PTK2: variants seen among roughly 807,000 people sequenced by gnomAD.
PTK2 encodes focal adhesion kinase 1.
PTK2 carries 45 observed loss-of-function variants against 150.1 expected under a neutral mutation model. The observed-to-expected ratio is 0.30, with a 90% CI of 0.24 to 0.38. The LOEUF (loss-of-function observed/expected upper bound fraction) is 0.38. Ranked by LOEUF, PTK2 falls within the 10% of genes least tolerant of loss-of-function variation. The pLI is 1.00. For synonymous variants in PTK2, 432 were observed against 449.2 expected (o/e 0.96, Z 0.48); for missense variants, 919 against 1,307.3 (o/e 0.70, Z 4.58).
chr8:141,000,087 T>TCACACACA (rs71310820), intron 1 of PTK2, among the ~76,000 whole-genome samples: 2,475 of 81,598 alleles, frequency 0.03, 44 homozygotes, highest in East Asian at 0.07. Flanking sequence ...TGAAACCAAT[T>TCACACACA]CACACACACA....
intron 16 of PTK2, among the ~76,000 whole-genome samples, chr8:140,754,993 G>A (rs1480697335): frequency 1.3e-5 from 2 of 152,136 alleles, no homozygotes; most frequent in Non-Finnish European, 2.9e-5. Context: ...GAAAAGAGAA[G>A]TTTTTCATTG....
chr8:140,837,639 G>T (rs923959614), intron 7 of PTK2, among the ~76,000 whole-genome samples: 2 of 152,152 alleles, frequency 1.3e-5, no homozygotes, highest in African/African-American at 4.8e-5. Context: ...TGAGGTAGGA[G>T]AATCACTTGC....
chr8:140,867,720 C>T (rs1200624915), intron 4 of PTK2, among the ~76,000 whole-genome samples: 2 of 152,160 alleles, frequency 1.3e-5, no homozygotes, highest in African/African-American at 2.4e-5. Context: ...TGTAACAAAT[C>T]TGCCCATGTA....
chr8:140,908,274 A>AG (rs776435769), intron 2 of PTK2, among the ~76,000 whole-genome samples: 3 of 152,228 alleles, frequency 2.0e-5, no homozygotes, highest in Non-Finnish European at 4.4e-5. Flanking sequence ...AATTGAGGTA[A>AG]GGTAGCTACA....
At chr8:140,878,627 A>G (rs1568032986) in intron 4 of PTK2, among the ~76,000 whole-genome samples, 1 of 151,854 alleles carries the variant, frequency 6.6e-6, no homozygotes, top group Non-Finnish European at 1.5e-5. Flanking sequence ...TCACCTTAAC[A>G]TGTTTGTCTT....
At position 140,821,273 on chromosome 8, in the gene PTK2, T is replaced by C. The variant is rs2100108384; in HGVS notation, c.649-2253A>G. 2.0e-5 allele frequency: 3 copies of C among 151,972 alleles called. 1 individual carries two copies. The highest frequency in any genetic ancestry group is 4.2e-4 in the South Asian group (2 of 4,800). 9.4% of individuals were successfully genotyped at this position (151,972 alleles called of 1,614,324 possible). On this transcript the variant is annotated intron_variant, in intron 8 of 31. Coordinates refer to ENST00000522684, the Ensembl canonical transcript of PTK2. ...TCGCTCTGCTCTTGCACACAGAGGG[T>C]TGGGGGAGTGTGTAGGAGTGAAAGC...
At chr8:140,760,692 C>G (rs1183579813) in intron 16 of PTK2, among the ~76,000 whole-genome samples, 1 of 152,168 alleles carries the variant, frequency 6.6e-6, no homozygotes, top group Admixed American at 6.5e-5. Context: ...CTGAAAAGCA[C>G]TGAATTGTAC....
intron 1 of PTK2, among the ~76,000 whole-genome samples, chr8:140,987,903 T>C (rs1171812149): frequency 1.3e-5 from 2 of 151,962 alleles, no homozygotes; most frequent in Non-Finnish European, 2.9e-5. Flanking sequence ...TAATTAGCCA[T>C]GTGTGATGGT....
chr8:140,916,598 C>G (rs1365595727), intron 2 of PTK2, among the ~76,000 whole-genome samples: 1 of 152,212 alleles, frequency 6.6e-6, no homozygotes, highest in African/African-American at 2.4e-5. Context: ...TTCTATCACA[C>G]TAACCAATTT....
At chr8:140,687,801 CA>C (rs2100020850) in intron 26 of PTK2, among the ~76,000 whole-genome samples, 1 of 152,174 alleles carries the variant, frequency 6.6e-6, no homozygotes, top group Non-Finnish European at 1.5e-5. Context: ...ACACGGCCAC[CA>C]TTAAGGTAAG....
At chr8:140,793,209 CTT>C in intron 13 of PTK2, 143 bp downstream of exon 13, 1 of 924,536 alleles carries the variant, frequency 1.1e-6, no homozygotes, top group Non-Finnish European at 1.6e-6. Flanking sequence ...TTAAAACTGA[CTT>C]GATTTCTTTC....
chr8:140,917,870 G>A (rs2100165922), intron 2 of PTK2, among the ~76,000 whole-genome samples: 1 of 152,204 alleles, frequency 6.6e-6, no homozygotes, highest in South Asian at 2.1e-4. Context: ...GGGGACACTA[G>A]AGAAAACTTG....
intron 13 of PTK2, among the ~76,000 whole-genome samples, chr8:140,791,459 T>TAGA (rs1372387651): frequency 1.3e-5 from 2 of 152,218 alleles, no homozygotes; most frequent in Non-Finnish European, 2.9e-5. Context: ...GCTGATGCTG[T>TAGA]AGAGTGCACT....
chr8:140,870,321 T>A (rs180744828), intron 4 of PTK2, among the ~76,000 whole-genome samples: 3 of 152,200 alleles, frequency 2.0e-5, no homozygotes, highest in Non-Finnish European at 4.4e-5. Flanking sequence ...AAAACACTGA[T>A]TGATAATAAA....
chr8:140,732,864 C>T (rs1405242513), intron 22 of PTK2, among the ~76,000 whole-genome samples: 1 of 152,010 alleles, frequency 6.6e-6, no homozygotes, highest in Non-Finnish European at 1.5e-5. Flanking sequence ...GTGAAAGAAG[C>T]CGAGAAAGAT....
At chr8:140,707,649 C>A (rs2100034579) in intron 23 of PTK2, among the ~76,000 whole-genome samples, 1 of 152,194 alleles carries the variant, frequency 6.6e-6, no homozygotes, top group Non-Finnish European at 1.5e-5. Flanking sequence ...AAGTGATCTG[C>A]CTGCCTCAGC....
chr8:140,677,604 C>A (rs1249343772), intron 27 of PTK2, among the ~76,000 whole-genome samples: 2 of 152,120 alleles, frequency 1.3e-5, no homozygotes, highest in African/African-American at 4.8e-5. Flanking sequence ...GAAAAGAGAT[C>A]CACTTCTTTA....
At chr8:140,891,451 C>G (rs2100154217) in intron 2 of PTK2, among the ~76,000 whole-genome samples, 1 of 152,028 alleles carries the variant, frequency 6.6e-6, no homozygotes, top group African/African-American at 2.4e-5. Context: ...TTAACTCAAA[C>G]AATGTTTGAA....
chr8:140,844,659 G>A (rs996047091), intron 7 of PTK2, among the ~76,000 whole-genome samples: 11 of 151,960 alleles, frequency 7.2e-5, no homozygotes, highest in Admixed American at 6.6e-4. Context: ...GGGCTCACCC[G>A]TGTATTATTC....
Sources: allele counts gnomAD v4.1 joint callset (sites outside exome capture counted in the v4.1 genomes callset), GRCh38; gene constraint gnomAD v4.1.1; transcripts MANE v1.5; gene names NCBI Gene and HGNC (gene_info 2026-07-23, HGNC 2026-07-21).